Variants in MBOAT2 observed in about 807,000 individuals in gnomAD.
The protein encoded by MBOAT2 is membrane bound glycerophospholipid O-acyltransferase 2.
A neutral mutation model predicts 63.4 loss-of-function variants in MBOAT2; 28 were observed. The observed-to-expected ratio is 0.44, with a 90% CI of 0.33 to 0.61. MBOAT2 has a LOEUF of 0.61. Among genes scored for constraint, MBOAT2 ranks in the 20% least tolerant of loss-of-function variants. MBOAT2 has a pLI of 0.03. For missense variants in MBOAT2, 470 were observed against 605.8 expected, an observed-to-expected ratio of 0.78 and a Z score of 2.35; for synonymous variants, 211 against 215.6, an observed-to-expected ratio of 0.98 and a Z score of 0.19.
chr2:8,924,226 G>C (rs1666780970), intron 3 of MBOAT2, among the ~76,000 whole-genome samples: 1 of 152,062 alleles, frequency 6.6e-6, no homozygotes, highest in Non-Finnish European at 1.5e-5. Flanking sequence ...TAGAACACTT[G>C]GGGTCCTCTG....
At chr2:8,877,354 T>A in intron 6 of MBOAT2, 141 bp from the exon 7 acceptor site, 1 of 790,908 alleles carries the variant, frequency 1.3e-6, no homozygotes, top group Non-Finnish European at 2.0e-6. Flanking sequence ...ATAAGAATTT[T>A]AAGGATCAGA....
intron 3 of MBOAT2, among the ~76,000 whole-genome samples, chr2:8,930,584 G>T: frequency 6.6e-6 from 1 of 151,904 alleles, no homozygotes; most frequent in Non-Finnish European, 1.5e-5. Context: ...TAATCCTTTG[G>T]GTATATACCC....
chr2:8,984,013 G>A (rs1056469302), intron 1 of MBOAT2, among the ~76,000 whole-genome samples: 6 of 152,072 alleles, frequency 3.9e-5, no homozygotes, highest in Admixed American at 3.3e-4. Flanking sequence ...CAATCACATG[G>A]AAATTAAGAA....
chr2:8,937,922 G>A (rs552156377), intron 3 of MBOAT2, among the ~76,000 whole-genome samples: 14 of 152,274 alleles, frequency 9.2e-5, no homozygotes, highest in African/African-American at 2.2e-4. Context: ...AGACCAAGAC[G>A]TAAACAAGCA....
chr2:8,870,276 ATGAGAAGCCTGATTCCCATTT>A (rs1435876716), intron 8 of MBOAT2, among the ~76,000 whole-genome samples: 1 of 152,196 alleles, frequency 6.6e-6, no homozygotes, highest in Non-Finnish European at 1.5e-5. Flanking sequence ...GGCTGTGGAG[ATGAGAAGCCTGATTCCCATTT>A]TGAGAAGCCT....
chr2:8,971,473 G>C (rs62119987), intron 1 of MBOAT2, among the ~76,000 whole-genome samples: 7,448 of 152,184 alleles, frequency 0.049, 184 homozygotes, highest in Middle Eastern at 0.058. Flanking sequence ...GGGATGCCCT[G>C]TCTCACCACT....
chr2:8,919,646 G>A (rs557886859), intron 3 of MBOAT2, among the ~76,000 whole-genome samples: 2 of 152,130 alleles, frequency 1.3e-5, no homozygotes, highest in Non-Finnish European at 2.9e-5. Context: ...TGTTTTGCAA[G>A]TATTTTTCTC....
intron 3 of MBOAT2, among the ~76,000 whole-genome samples, chr2:8,912,371 AAG>A (rs869060979): frequency 0.025 from 1,935 of 77,372 alleles, 27 homozygotes; most frequent in African/African-American, 0.059. Flanking sequence ...GAAAGAAAGA[AAG>A]AGAAAGAAAG....
intron 1 of MBOAT2, among the ~76,000 whole-genome samples, chr2:8,996,006 C>CCAGGG (rs1672274292): frequency 6.6e-6 from 1 of 152,216 alleles, no homozygotes; most frequent in African/African-American, 2.4e-5. Context: ...GTCGAAAATG[C>CCAGGG]AGACTCCCTG....
chr2:8,985,595 T>G (rs1413921585), intron 1 of MBOAT2, among the ~76,000 whole-genome samples: 2 of 152,186 alleles, frequency 1.3e-5, no homozygotes, highest in African/African-American at 2.4e-5. Flanking sequence ...CTTCCCATAA[T>G]TATCTGCCCT....
rs1395528694 is a variant in MBOAT2, at chr2:8,953,033, T to C, written c.221+5464A>G. Reference sequence around the variant, plus strand: ...ATGACATTGTTACCTGGTTGCTTTGTAGTTTCTAATGTGTGGCTGCTTTAC... The same window carrying C: ...ATGACATTGTTACCTGGTTGCTTTGCAGTTTCTAATGTGTGGCTGCTTTAC... On this transcript the variant is annotated intron_variant, in intron 2 of 12. Transcript: ENST00000305997. 2.0e-5 allele frequency among the ~76,000 whole-genome samples: 3 copies of C among 152,204 alleles called. No homozygotes were observed. In the East Asian group the frequency reaches 5.8e-4, roughly 29 times the overall value.
chr2:8,872,406 T>C (rs761091858), intron 8 of MBOAT2, among the ~76,000 whole-genome samples: 7 of 152,162 alleles, frequency 4.6e-5, no homozygotes, highest in Non-Finnish European at 8.8e-5. Flanking sequence ...GCCTCTCAAG[T>C]AGCTGGGACT....
intron 3 of MBOAT2, among the ~76,000 whole-genome samples, chr2:8,924,538 T>C (rs528327584): frequency 7.7e-4 from 117 of 152,312 alleles, no homozygotes; most frequent in African/African-American, 2.8e-3. Context: ...GTTTGTTCTT[T>C]TGCAAAGCCC....
intron 4 of MBOAT2, among the ~76,000 whole-genome samples, chr2:8,895,261 T>C (rs1357519397): frequency 5.3e-5 from 8 of 152,160 alleles, no homozygotes; most frequent in Non-Finnish European, 1.2e-4. Context: ...TTCTACAGAG[T>C]GCTGATTGGC....
At chr2:8,906,269 C>T (rs1005803987) in intron 4 of MBOAT2, among the ~76,000 whole-genome samples, 1 of 152,232 alleles carries the variant, frequency 6.6e-6, no homozygotes, top group African/African-American at 2.4e-5. Context: ...CAGCAAAATA[C>T]TTCTAAAGTC....
At chr2:8,992,454 C>G (rs959050715) in intron 1 of MBOAT2, among the ~76,000 whole-genome samples, 2 of 152,178 alleles carry the variant, frequency 1.3e-5, no homozygotes, top group Non-Finnish European at 2.9e-5. Flanking sequence ...TGAGTTTTAA[C>G]AAGTAAAGTA....
In MBOAT2 at chr2:8,898,063, C is replaced by T. The variant is rs751017248; in HGVS notation, c.396-9990G>A. On this transcript the variant is annotated intron_variant, in intron 4 of 12. Coordinates refer to ENST00000305997, the MANE Select transcript of MBOAT2 (RefSeq NM_138799.4). ...CAGTGAGGCCAATCTTTTGCTACTA[C>T]ATCAATTTCCTTACTTTGGTATGCC... 4.6e-5 allele frequency among the ~76,000 whole-genome samples: 7 copies of T among 152,372 alleles called. No homozygotes were observed. The Middle Eastern group carries it at 0.014, about 296-fold the overall frequency.
chr2:8,971,470 C>A (rs1670450051), intron 1 of MBOAT2, among the ~76,000 whole-genome samples: 1 of 152,176 alleles, frequency 6.6e-6, no homozygotes, highest in South Asian at 2.1e-4. Flanking sequence ...ACAGGGATGC[C>A]CTGTCTCACC....
At chr2:8,912,069 T>C (rs540081370) in intron 3 of MBOAT2, among the ~76,000 whole-genome samples, 38 of 151,978 alleles carry the variant, frequency 2.5e-4, no homozygotes, top group African/African-American at 8.2e-4. Flanking sequence ...CTCATCAAAA[T>C]TGGTATACAA....
Sources: gnomAD v4.1 joint callset for allele counts (sites outside exome capture counted in the v4.1 genomes callset) on GRCh38, gnomAD v4.1.1 for gene constraint, MANE v1.5 for transcripts, NCBI Gene and HGNC (gene_info 2026-07-23, HGNC 2026-07-21) for gene names.